The following SGCD variants were observed in gnomAD, a reference collection of about 807,000 sequenced individuals.
SGCD encodes the protein delta-sarcoglycan.
A neutral mutation model predicts 36.6 loss-of-function variants in SGCD; 18 were observed. The ratio of observed to expected loss-of-function variants is 0.49; its 90% CI spans 0.34 to 0.73. SGCD has a LOEUF of 0.73. Among genes scored for constraint, SGCD ranks in the 30% least tolerant of loss-of-function variants. The pLI is 0.01. For synonymous variants in SGCD, 133 were observed against 130.6 expected (o/e 1.02, Z -0.12); for missense variants, 387 against 346.7 (o/e 1.12, Z -0.92).
intron 1 of SGCD, among the ~76,000 whole-genome samples, chr5:155,972,877 C>A (rs1758034600): frequency 6.6e-6 from 1 of 152,100 alleles, no homozygotes; most frequent in South Asian, 2.1e-4. Flanking sequence ...TCAATTACAT[C>A]TTTATGCCCC....
intron 1 of SGCD, among the ~76,000 whole-genome samples, chr5:156,017,387 G>A (rs1759008865): frequency 6.6e-6 from 1 of 151,914 alleles, no homozygotes; most frequent in Non-Finnish European, 1.5e-5. Context: ...CAACTGAATT[G>A]TAAATCATAG....
intron 3 of SGCD, among the ~76,000 whole-genome samples, chr5:156,252,083 T>TG (rs1765594983): frequency 6.6e-6 from 1 of 152,046 alleles, no homozygotes; most frequent in Non-Finnish European, 1.5e-5. Context: ...CTTTTTTTTT[T>TG]GAGACGGAGT....
intron 1 of SGCD, among the ~76,000 whole-genome samples, chr5:155,931,983 G>C (rs1333950650): frequency 1.3e-5 from 2 of 152,166 alleles, no homozygotes; most frequent in Non-Finnish European, 2.9e-5. Flanking sequence ...AAGGTGTGAA[G>C]ATTCTCTCCC....
intron 3 of SGCD, among the ~76,000 whole-genome samples, chr5:156,349,047 G>A (rs547709797): frequency 6.1e-4 from 93 of 152,166 alleles, no homozygotes; most frequent in African/African-American, 2.2e-3. Context: ...ATAGCTACAC[G>A]AAGAATAATG....
intron 1 of SGCD, among the ~76,000 whole-genome samples, chr5:155,922,144 C>T (rs565598281): frequency 6.8e-4 from 103 of 152,170 alleles, no homozygotes; most frequent in Non-Finnish European, 1.2e-3. Flanking sequence ...ACCTTTCTGA[C>T]CCTCTGTTTC....
intron 1 of SGCD, among the ~76,000 whole-genome samples, chr5:156,088,090 C>G (rs1306866239): frequency 6.6e-6 from 1 of 152,154 alleles, no homozygotes; most frequent in Non-Finnish European, 1.5e-5. Flanking sequence ...CAATGCTGTT[C>G]TGAGGGAATC....
chr5:156,461,896 C>A (rs1754503127), intron 3 of SGCD, among the ~76,000 whole-genome samples: 1 of 152,044 alleles, frequency 6.6e-6, no homozygotes, highest in Non-Finnish European at 1.5e-5. Flanking sequence ...TATATTAAAT[C>A]AAAAAAGTTT....
At chr5:155,856,434 G>T in the SGCD span, among the ~76,000 whole-genome samples, 31 of 152,134 alleles carry the variant, frequency 2.0e-4, no homozygotes, top group African/African-American at 6.8e-4. Context: ...AAACTCTAAA[G>T]ACATAGACTG....
chr5:156,076,346 A>T (rs1253332801), intron 1 of SGCD, among the ~76,000 whole-genome samples: 2 of 152,082 alleles, frequency 1.3e-5, no homozygotes, highest in African/African-American at 4.8e-5. Flanking sequence ...GTTGCTGGGA[A>T]TAATCCTCAT....
intron 3 of SGCD, among the ~76,000 whole-genome samples, chr5:156,420,573 C>A (rs892487134): frequency 4.6e-5 from 7 of 152,086 alleles, no homozygotes; most frequent in African/African-American, 1.4e-4. Context: ...TGAACTGAAG[C>A]CAAATTTTAA....
upstream of SGCD, among the ~76,000 whole-genome samples, chr5:156,323,021 C>A (rs1330839033): frequency 6.6e-6 from 1 of 152,012 alleles, no homozygotes; most frequent in East Asian, 1.9e-4. Flanking sequence ...GGGGTGGGAC[C>A]CTGGCTCTAG....
At chr5:156,131,115 T>A (rs995352617) in intron 3 of SGCD, among the ~76,000 whole-genome samples, 8 of 152,234 alleles carry the variant, frequency 5.3e-5, no homozygotes, top group African/African-American at 1.9e-4. Context: ...TGCTTTAAAG[T>A]GCTCTAATAC....
chr5:155,942,427 A>T lies in SGCD; in HGVS notation c.-282+72003A>T, dbSNP rs550062815. ...AACCCTCAATCTTTCTGGCATGAGG[A>T]ATTTGAAAACAGAATTTGGGGCAAC... On this transcript the variant is annotated intron_variant, in intron 1 of 9. Coordinates refer to the SGCD transcript ENST00000517913. Among the ~76,000 whole-genome samples, 5 of 152,030 alleles carry T rather than the reference A, an allele frequency of 3.3e-5. No individual in the cohort carries two copies. The East Asian group carries it at 9.7e-4, about 29-fold the overall frequency.
At chr5:156,323,484 A>G (rs888592709), upstream of SGCD, among the ~76,000 whole-genome samples, 1 of 152,220 alleles carries the variant, frequency 6.6e-6, no homozygotes. Flanking sequence ...CAAGTAAGTC[A>G]AAAGATGTTA....
chr5:156,229,300 A>AC (rs1477607808), intron 3 of SGCD, among the ~76,000 whole-genome samples: 1 of 126,176 alleles, frequency 7.9e-6, no homozygotes, highest in African/African-American at 3.0e-5. Flanking sequence ...ATATATATAT[A>AC]AAATTAGTTC....
intron 3 of SGCD, among the ~76,000 whole-genome samples, chr5:156,281,611 G>T (rs1766455340): frequency 6.6e-6 from 1 of 152,080 alleles, no homozygotes; most frequent in African/African-American, 2.4e-5. Context: ...CTCCTGCCAA[G>T]AAAAACTTTC....
At chr5:156,025,362 T>C (rs1759204826) in intron 1 of SGCD, among the ~76,000 whole-genome samples, 1 of 152,186 alleles carries the variant, frequency 6.6e-6, no homozygotes, top group African/African-American at 2.4e-5. Context: ...GGGCTGAGAA[T>C]CTTCTATTTG....
the SGCD span, among the ~76,000 whole-genome samples, chr5:155,864,502 A>C: frequency 5.7e-3 from 857 of 151,650 alleles, 11 homozygotes; most frequent in African/African-American, 0.019. Flanking sequence ...AATTAAATTA[A>C]AAAAAAAGGA....
intron 6 of SGCD, among the ~76,000 whole-genome samples, chr5:156,620,784 G>A (rs966871758): frequency 1.3e-5 from 2 of 152,174 alleles, no homozygotes; most frequent in East Asian, 3.9e-4. Context: ...TCAGCATATA[G>A]TAAACAGGAA....
Sources: allele counts gnomAD v4.1 joint callset (sites outside exome capture counted in the v4.1 genomes callset), GRCh38; gene constraint gnomAD v4.1.1; transcripts MANE v1.5; gene names NCBI Gene and HGNC (gene_info 2026-07-23, HGNC 2026-07-21).